CDK5RAP2: variants seen among roughly 807,000 people sequenced by gnomAD.
CDK5RAP2 encodes the protein CDK5 regulatory subunit associated protein 2.
CDK5RAP2 carries 147 observed loss-of-function variants against 232.9 expected under a neutral mutation model. The observed-to-expected ratio is 0.63, with a 90% CI of 0.55 to 0.72. The LOEUF (loss-of-function observed/expected upper bound fraction) is 0.72. Among genes scored for constraint, CDK5RAP2 ranks in the 30% least tolerant of loss-of-function variants. The pLI is 0.00. For missense variants in CDK5RAP2, 2,195 were observed against 2,231.5 expected, an observed-to-expected ratio of 0.98 and a Z score of 0.33; for synonymous variants, 833 against 833.7, an observed-to-expected ratio of 1.00 and a Z score of 0.01.
intron 12 of CDK5RAP2, among the ~76,000 whole-genome samples, chr9:120,516,800 G>A (rs1221027421): frequency 1.3e-5 from 2 of 152,182 alleles, no homozygotes; most frequent in African/African-American, 4.8e-5. Context: ...CCGCACTCCA[G>A]TCTAGGCAAC....
chr9:120,403,283 A>G lies in CDK5RAP2; in HGVS notation c.5042-212T>C. On this transcript the variant is annotated intron_variant, in intron 33 of 37. Transcript: ENST00000349780. This position sits in a 1 kb window ranked among gnomAD's most constrained non-coding sequence, Gnocchi z 4.2. ...TGAGTCATCTTGTAGGAGAGGCTCA[A>G]GTCAACTCAACCAACACTTATCAAC... The G allele has an allele frequency of 1.8e-6, 1 of 569,694 alleles. No individual in the cohort carries two copies. The highest frequency in any genetic ancestry group is 3.1e-6 in the Non-Finnish European group (1 of 318,218). The allele number at this position is 569,694 out of a possible 1,614,324, so 35.3% of individuals were successfully genotyped here.
At chr9:120,565,979 T>C (rs551233074) in intron 3 of CDK5RAP2, among the ~76,000 whole-genome samples, 48 of 152,314 alleles carry the variant, frequency 3.2e-4, no homozygotes, top group African/African-American at 1.1e-3. Flanking sequence ...ATTAAATGGA[T>C]GAACTCTGAG....
chr9:120,557,225 T>C (rs2042262714), intron 3 of CDK5RAP2, among the ~76,000 whole-genome samples: 1 of 152,236 alleles, frequency 6.6e-6, no homozygotes, highest in African/African-American at 2.4e-5. Context: ...CTCTGCTTAG[T>C]ACCACTTTCC....
intron 12 of CDK5RAP2, among the ~76,000 whole-genome samples, chr9:120,497,348 A>G (rs919992562): frequency 1.1e-5 from 1 of 89,216 alleles, no homozygotes; most frequent in Non-Finnish European, 1.9e-5. Flanking sequence ...CCTTCCCTCC[A>G]CTATTGTCCC....
chr9:120,406,232 C>T (rs918901418), intron 32 of CDK5RAP2: 1 of 152,154 alleles, frequency 6.6e-6, no homozygotes. Flanking sequence ...TTCCTCATCC[C>T]ACTGGATACA....
chr9:120,436,360 C>T (rs938848534), intron 25 of CDK5RAP2, among the ~76,000 whole-genome samples: 1 of 152,056 alleles, frequency 6.6e-6, no homozygotes, highest in Non-Finnish European at 1.5e-5. Context: ...GGAACTACTC[C>T]GGATTAAAGG....
intron 8 of CDK5RAP2, chr9:120,529,007 G>A (rs2041029421): frequency 5.0e-6 from 3 of 602,164 alleles, no homozygotes; most frequent in Non-Finnish European, 8.9e-6. Context: ...ACCTACCCTG[G>A]TTGATCACCA....
At position 120,415,162 on chromosome 9, in the gene CDK5RAP2, A is replaced by T. The variant is rs1194210030; in HGVS notation, c.4178-3T>A. The T allele has an allele frequency of 1.2e-6, 2 of 1,614,014 alleles. No individual in the cohort carries two copies. Among genetic ancestry groups the T allele is most frequent in the African/African-American group, 2.7e-5 (2 of 75,078 alleles). The stretch of plus-strand genomic sequence containing the variant: ...CTGTATGTGTTCCATTAGTAAGTCT[A>T]CAGGAAGGAAGCCATTTTTAATTTA... On this transcript the variant is annotated splice_polypyrimidine_tract_variant and splice_region_variant and intron_variant, in intron 27 of 37. Coordinates refer to ENST00000349780, the MANE Select transcript of CDK5RAP2 (RefSeq NM_018249.6).
chr9:120,401,750 G>A (rs549090075), intron 34 of CDK5RAP2, among the ~76,000 whole-genome samples: 68 of 152,152 alleles, frequency 4.5e-4, no homozygotes, highest in African/African-American at 1.6e-3. Flanking sequence ...TTGGGAGGCC[G>A]AGGCAGTTGG....
intron 4 of CDK5RAP2, among the ~76,000 whole-genome samples, chr9:120,548,973 A>G (rs1030719976): frequency 7.9e-5 from 12 of 152,214 alleles, no homozygotes; most frequent in Non-Finnish European, 1.3e-4. Flanking sequence ...CCTGGAGAAC[A>G]TGGGGAAACC....
At chr9:120,543,665 C>G (rs1410549359) in intron 5 of CDK5RAP2, among the ~76,000 whole-genome samples, 1 of 152,112 alleles carries the variant, frequency 6.6e-6, no homozygotes, top group Non-Finnish European at 1.5e-5. Flanking sequence ...TCGAGACCAG[C>G]CTGGCCAACA....
At chr9:120,430,156 C>G (rs992557425) in intron 25 of CDK5RAP2, among the ~76,000 whole-genome samples, 15 of 152,080 alleles carry the variant, frequency 9.9e-5, no homozygotes, top group Non-Finnish European at 1.9e-4. Context: ...ACCATAAAAA[C>G]CCTAGAAGAA....
chr9:120,527,712 T>C lies in CDK5RAP2; in HGVS notation c.999+94A>G, dbSNP rs936420505. ...TTTCTATACTACCTCAGCTCTCTTA[T>C]AAACTTTTTATCTGAAGCTAAAAAT... is the stretch of plus-strand genomic sequence containing the variant. On this transcript the variant is annotated intron_variant, in intron 10 of 37. Transcript: ENST00000349780. 7.0e-6 allele frequency: 10 copies of C among 1,436,736 alleles called. No individual in the cohort carries two copies. In the South Asian group the frequency reaches 8.3e-5, roughly 12 times the overall value. 89.0% of individuals were successfully genotyped at this position (1,436,736 alleles called of 1,614,324 possible).
intron 35 of CDK5RAP2, among the ~76,000 whole-genome samples, chr9:120,397,560 A>AAAAAAAAAAAAAAAAAAAAAAAAC (rs2032607736): frequency 7.6e-6 from 1 of 131,238 alleles, no homozygotes; most frequent in Non-Finnish European, 1.5e-5. Flanking sequence ...AAAAAAAAAA[A>AAAAAAAAAAAAAAAAAAAAAAAAC]AAAAAGAAAA....
intron 25 of CDK5RAP2, among the ~76,000 whole-genome samples, chr9:120,428,940 A>G (rs892837166): frequency 1.6e-4 from 25 of 152,200 alleles, no homozygotes; most frequent in African/African-American, 6.0e-4. Flanking sequence ...CTGGGATGCA[A>G]AGCTGGTTCA....
chr9:120,554,386 T>C (rs1010990383), intron 3 of CDK5RAP2, among the ~76,000 whole-genome samples: 13 of 152,246 alleles, frequency 8.5e-5, no homozygotes, highest in African/African-American at 2.9e-4. Context: ...GCATCTGTTG[T>C]TCTCTTTCCA....
chr9:120,423,185 T>C (rs1430578849), intron 25 of CDK5RAP2, among the ~76,000 whole-genome samples: 1 of 152,188 alleles, frequency 6.6e-6, no homozygotes, highest in East Asian at 1.9e-4. Flanking sequence ...TTTCACTTAG[T>C]ATATTATTAT....
chr9:120,473,263 C>G (rs2037820777), intron 15 of CDK5RAP2, among the ~76,000 whole-genome samples: 1 of 152,076 alleles, frequency 6.6e-6, no homozygotes, highest in Admixed American at 6.6e-5. Flanking sequence ...TTTTAGATAC[C>G]AAGAGATCTA....
At chr9:120,404,326 C>A (rs543612216) in intron 32 of CDK5RAP2, among the ~76,000 whole-genome samples, 64 of 152,342 alleles carry the variant, frequency 4.2e-4, no homozygotes, top group African/African-American at 1.5e-3. Context: ...CCTAGAAAAA[C>A]TCTCAGCAGA....
Sources: gnomAD v4.1 joint callset for allele counts (sites outside exome capture counted in the v4.1 genomes callset) on GRCh38, gnomAD v4.1.1 for gene constraint, Gnocchi (gnomAD v3.1) non-coding constraint, MANE v1.5 for transcripts, NCBI Gene and HGNC (gene_info 2026-07-23, HGNC 2026-07-21) for gene names.